Variants in MTUS2 observed in about 807,000 individuals in gnomAD.
MTUS2 encodes the protein microtubule associated scaffold protein 2.
In MTUS2, 40 loss-of-function variants were observed where a neutral mutation model predicts 114.1. The observed-to-expected ratio is 0.35, with a 90% CI of 0.27 to 0.46. The LOEUF is 0.46. Among genes scored for constraint, MTUS2 ranks in the 20% least tolerant of loss-of-function variants. The probability of loss-of-function intolerance (pLI) is 1.00; values close to 1 mark genes in which losing one functional copy is unlikely to be tolerated. For missense variants in MTUS2, 1,679 were observed against 1,705.4 expected (o/e 0.98, Z 0.27); for synonymous variants, 688 against 672.0 (o/e 1.02, Z -0.37).
intron 6 of MTUS2, among the ~76,000 whole-genome samples, chr13:29,288,787 T>G (rs1898591393): frequency 6.6e-6 from 1 of 152,170 alleles, no homozygotes; most frequent in Non-Finnish European, 1.5e-5. Context: ...ACCTACTGAT[T>G]CACTAGTGAG....
At chr13:29,288,276 A>G (rs951509651) in intron 6 of MTUS2, among the ~76,000 whole-genome samples, 6 of 152,204 alleles carry the variant, frequency 3.9e-5, no homozygotes, top group African/African-American at 1.4e-4. Context: ...GGACATGGAA[A>G]GTGCAAAGGT....
At position 29,025,563 on chromosome 13, in the gene MTUS2, G is replaced by A. The variant is rs542328390; in HGVS notation, c.865G>A (p.Ala289Thr). Reference protein sequence around the residue: ...HPEPALNLTLASKEIPSKLEA... With the variant: ...HPEPALNLTLTSKEIPSKLEA... ...AGAGCCTGCTCTGAATTTGACTTTG[G>A]CATCGAAGGAAATCCCAAGTAAACT... The change falls in exon 3 of 16, where the codon GCA becomes ACA. Residue 289 changes from alanine to threonine, a missense_variant. Physicochemically the swap from Ala to Thr is moderately conservative, Grantham distance 58. Around this residue, in one of 3 missense-constraint regions of MTUS2, gnomAD observed 843 missense variants for 770.8 expected, o/e 1.09. Transcript: ENST00000612955. 9 of 1,613,916 alleles carry A rather than the reference G, an allele frequency of 5.6e-6. No homozygotes were observed. In the South Asian group the frequency reaches 7.7e-5, roughly 14 times the overall value.
chr13:29,362,956 A>G (rs1322763644), intron 8 of MTUS2, among the ~76,000 whole-genome samples: 3 of 152,186 alleles, frequency 2.0e-5, no homozygotes, highest in African/African-American at 7.2e-5. Context: ...TGCCACACTT[A>G]GGTGCCAACA....
At chr13:29,258,576 G>A (rs761053810) in intron 5 of MTUS2, among the ~76,000 whole-genome samples, 3 of 152,170 alleles carry the variant, frequency 2.0e-5, no homozygotes, top group Non-Finnish European at 4.4e-5. Flanking sequence ...CCTACAACAC[G>A]TGCCTTGATT....
intron 2 of MTUS2, among the ~76,000 whole-genome samples, chr13:28,909,649 A>G (rs947812260): frequency 3.9e-5 from 6 of 152,218 alleles, no homozygotes; most frequent in African/African-American, 1.2e-4. Flanking sequence ...CACCACTTCT[A>G]TTCAACATAG....
intron 6 of MTUS2, among the ~76,000 whole-genome samples, chr13:29,322,890 G>C (rs552794314): frequency 6.6e-6 from 1 of 152,314 alleles, no homozygotes; most frequent in South Asian, 2.1e-4. Context: ...TACACTATCT[G>C]ATATGGTGGC....
intron 2 of MTUS2, among the ~76,000 whole-genome samples, chr13:28,884,049 C>T (rs979322923): frequency 6.6e-6 from 1 of 152,076 alleles, no homozygotes; most frequent in Non-Finnish European, 1.5e-5. Context: ...ATATACTCCA[C>T]TTCTGGATAT....
chr13:29,385,897 C>T (rs561078915), intron 8 of MTUS2, among the ~76,000 whole-genome samples: 1 of 152,306 alleles, frequency 6.6e-6, no homozygotes, highest in East Asian at 1.9e-4. Context: ...AGTGAACTGT[C>T]TCTCTGTCTC....
At chr13:29,351,782 T>A (rs7987577) in intron 7 of MTUS2, among the ~76,000 whole-genome samples, 668 of 62,914 alleles carry the variant, frequency 0.011, 1 homozygote, top group African/African-American at 0.017. Context: ...TTGTTTATTT[T>A]TTTTTTTTTT....
At chr13:29,062,055 G>C (rs1349561344) in intron 4 of MTUS2, among the ~76,000 whole-genome samples, 1 of 152,128 alleles carries the variant, frequency 6.6e-6, no homozygotes, top group Non-Finnish European at 1.5e-5. Flanking sequence ...TACGATCTTG[G>C]CTCACGCTAA....
intron 2 of MTUS2, among the ~76,000 whole-genome samples, chr13:28,971,261 C>T (rs1170906580): frequency 6.6e-6 from 1 of 152,030 alleles, no homozygotes; most frequent in African/African-American, 2.4e-5. Context: ...GTGTTGTTCC[C>T]TTGATATTGG....
chr13:28,885,541 G>A (rs976918034), intron 2 of MTUS2, among the ~76,000 whole-genome samples: 16 of 152,178 alleles, frequency 1.1e-4, no homozygotes, highest in African/African-American at 3.6e-4. Flanking sequence ...GACTTATTTT[G>A]GAGAGGCATC....
At chr13:29,060,993 G>T (rs1246890649) in intron 4 of MTUS2, among the ~76,000 whole-genome samples, 1 of 151,824 alleles carries the variant, frequency 6.6e-6, no homozygotes, top group Non-Finnish European at 1.5e-5. Flanking sequence ...TAGAGACAGG[G>T]TTTCACTATG....
At position 28,999,957 on chromosome 13, in the gene MTUS2, C is replaced by A. The variant is rs1010596080; in HGVS notation, c.-242-24500C>A. Among the ~76,000 whole-genome samples, 4 of 152,178 alleles carry A rather than the reference C, an allele frequency of 2.6e-5. No individual in the cohort carries two copies. In the South Asian group the frequency reaches 8.3e-4, roughly 32 times the overall value. On this transcript the variant is annotated intron_variant, in intron 2 of 15. Transcript: ENST00000612955. Reference sequence around the variant, plus strand: ...TTGTTGCAAATGACAGTATTTCATTCTTTTTAATAGCTGAATAGTATTCCA... The same window carrying A: ...TTGTTGCAAATGACAGTATTTCATTATTTTTAATAGCTGAATAGTATTCCA...
intron 5 of MTUS2, among the ~76,000 whole-genome samples, chr13:29,235,418 A>G (rs762401661): frequency 8.5e-5 from 13 of 152,144 alleles, no homozygotes; most frequent in Non-Finnish European, 1.8e-4. Flanking sequence ...TATCATTTCT[A>G]ATATTTAAAC....
Position 29,024,939 on chromosome 13 carries a change from C to T in MTUS2, c.241C>T (p.Leu81Phe), listed in dbSNP as rs1307917635. 4.3e-6 allele frequency: 7 copies of T among 1,613,814 alleles called. No homozygotes were observed. In the Middle Eastern group the frequency reaches 9.9e-4, roughly 228 times the overall value. ...RTHFHKEFHQLQGFGKGSQAG... is the reference protein window; with the variant it reads ...RTHFHKEFHQFQGFGKGSQAG... ...CCATTTCCATAAGGAATTTCACCAACTTCAGGGCTTTGGGAAAGGCTCTCA... is the reference window on the plus strand; with the variant it reads ...CCATTTCCATAAGGAATTTCACCAATTTCAGGGCTTTGGGAAAGGCTCTCA... The change falls in exon 3 of 16, where the codon CTT (leucine) becomes TTT (phenylalanine). Residue 81 changes from leucine (L) to phenylalanine (F), a missense_variant. Coordinates refer to ENST00000612955, the MANE Select transcript of MTUS2 (RefSeq NM_001033602.4).
intron 4 of MTUS2, among the ~76,000 whole-genome samples, chr13:29,085,134 C>T (rs930227468): frequency 5.3e-5 from 8 of 152,178 alleles, no homozygotes; most frequent in African/African-American, 1.7e-4. Flanking sequence ...GACATGCAGG[C>T]TTCCCTTTAC....
intron 6 of MTUS2, among the ~76,000 whole-genome samples, chr13:29,315,482 T>C (rs1204810336): frequency 6.6e-6 from 1 of 152,178 alleles, no homozygotes; most frequent in Admixed American, 6.5e-5. Context: ...AAATCATTTT[T>C]TAAAAGGTAT....
intron 8 of MTUS2, among the ~76,000 whole-genome samples, chr13:29,427,943 C>T (rs895949035): frequency 2.6e-5 from 4 of 152,120 alleles, no homozygotes; most frequent in Non-Finnish European, 4.4e-5. Flanking sequence ...AACATTTGCT[C>T]CCTGATTCTT....
Sources: allele counts gnomAD v4.1 joint callset (sites outside exome capture counted in the v4.1 genomes callset), GRCh38; gene constraint gnomAD v4.1.1; regional missense constraint gnomAD v4.1.1; transcripts MANE v1.5; gene names NCBI Gene and HGNC (gene_info 2026-07-23, HGNC 2026-07-21).